The following UBR3 variants were observed in gnomAD, a reference collection of about 807,000 sequenced individuals.
UBR3 encodes the protein E3 ubiquitin-protein ligase UBR3.
A neutral mutation model predicts 243.2 loss-of-function variants in UBR3; 85 were observed. The ratio of observed to expected loss-of-function variants is 0.35; its 90% CI spans 0.29 to 0.42. UBR3 has a LOEUF of 0.42. Among genes scored for constraint, UBR3 ranks in the 10% least tolerant of loss-of-function variants. The pLI is 1.00. For missense variants in UBR3, 1,686 were observed against 2,300.8 expected (o/e 0.73, Z 5.47); for synonymous variants, 748 against 799.8 (o/e 0.94, Z 1.09).
At chr2:169,929,314 C>T (rs940258068) in intron 18 of UBR3, among the ~76,000 whole-genome samples, 7 of 152,132 alleles carry the variant, frequency 4.6e-5, no homozygotes, top group Admixed American at 6.5e-5. Context: ...GTGGCTTATG[C>T]CTGTAATCCC....
chr2:169,964,487 T>G (rs567323688), intron 24 of UBR3: 2 of 468,000 alleles, frequency 4.3e-6, no homozygotes, highest in East Asian at 1.4e-4. Flanking sequence ...AATGGTCACC[T>G]TATCCTCTGA....
chr2:170,040,309 G>A (rs974770653), intron 31 of UBR3, among the ~76,000 whole-genome samples: 3 of 151,294 alleles, frequency 2.0e-5, no homozygotes, highest in Admixed American at 1.3e-4. Context: ...TTTTCACCAT[G>A]TTGTCAATCT....
intron 1 of UBR3, among the ~76,000 whole-genome samples, chr2:169,864,271 C>T (rs1452309853): frequency 6.6e-6 from 1 of 152,056 alleles, no homozygotes; most frequent in Non-Finnish European, 1.5e-5. Flanking sequence ...GAAATAATTT[C>T]ATAGAATTTA....
chr2:169,971,282 T>C (rs1418665681), intron 24 of UBR3, among the ~76,000 whole-genome samples: 5 of 151,598 alleles, frequency 3.3e-5, no homozygotes, highest in Non-Finnish European at 5.9e-5. Context: ...GGTTGCCTGT[T>C]CACTCTGATG....
intron 8 of UBR3, among the ~76,000 whole-genome samples, chr2:169,900,002 G>A (rs1169376679): frequency 1.3e-5 from 2 of 152,260 alleles, no homozygotes; most frequent in Non-Finnish European, 1.5e-5. Context: ...AACCCTTTGG[G>A]TATATACCCA....
chr2:169,867,738 G>A (rs1435333357), intron 1 of UBR3, among the ~76,000 whole-genome samples: 1 of 152,128 alleles, frequency 6.6e-6, no homozygotes, highest in East Asian at 1.9e-4. Context: ...CCAAACACAT[G>A]CAAAGGTAAA....
chr2:170,007,539 C>G (rs1314832921), intron 28 of UBR3, among the ~76,000 whole-genome samples: 1 of 152,144 alleles, frequency 6.6e-6, no homozygotes, highest in African/African-American at 2.4e-5. Flanking sequence ...GGACAGATAA[C>G]TTAAGGTCAG....
chr2:169,938,116 C>T (rs910845004), intron 19 of UBR3, among the ~76,000 whole-genome samples: 2 of 152,276 alleles, frequency 1.3e-5, no homozygotes, highest in Non-Finnish European at 2.9e-5. Flanking sequence ...CTTATTTTAG[C>T]CCCTTGCCTT....
At chr2:170,023,960 C>A (rs1574412933) in intron 30 of UBR3, among the ~76,000 whole-genome samples, 1 of 152,240 alleles carries the variant, frequency 6.6e-6, no homozygotes, top group East Asian at 1.9e-4. Context: ...CCTTGGCCTC[C>A]CAAAGTGCTG....
At chr2:169,936,500 C>T (rs2086336398) in intron 19 of UBR3, among the ~76,000 whole-genome samples, 1 of 151,510 alleles carries the variant, frequency 6.6e-6, no homozygotes, top group South Asian at 2.1e-4. Flanking sequence ...TTTGTTTCCT[C>T]TAAGATGCGT....
Position 169,920,318 on chromosome 2 carries a change from G to A in UBR3, c.1867-3611G>A, listed in dbSNP as rs192302285. 5.6e-3 allele frequency among the ~76,000 whole-genome samples: 848 copies of A among 152,216 alleles called. 7 individuals carry two copies. Among genetic ancestry groups the A allele is most frequent in the African/African-American group, 0.019 (800 of 41,518 alleles). Reference sequence around the variant, plus strand: ...ACGTCACACACCAGGGCCTGTTGTGGGGTGGAGGGAGGGGAGAGGGACAGC... The same window carrying A: ...ACGTCACACACCAGGGCCTGTTGTGAGGTGGAGGGAGGGGAGAGGGACAGC... On this transcript the variant is annotated intron_variant, in intron 11 of 38. Coordinates refer to ENST00000272793, the MANE Select transcript of UBR3 (RefSeq NM_172070.4).
At chr2:169,923,405 C>G (rs2085781672) in intron 11 of UBR3, among the ~76,000 whole-genome samples, 1 of 152,136 alleles carries the variant, frequency 6.6e-6, no homozygotes, top group Admixed American at 6.5e-5. Context: ...TTGAATTTTG[C>G]TACTTGTAGA....
At chr2:170,023,463 G>A (rs1574412028) in intron 30 of UBR3, among the ~76,000 whole-genome samples, 1 of 151,676 alleles carries the variant, frequency 6.6e-6, no homozygotes, top group East Asian at 1.9e-4. Context: ...AGGCTGGAGT[G>A]CAGTGGTAAC....
intron 25 of UBR3, among the ~76,000 whole-genome samples, chr2:169,992,843 C>T (rs1050446715): frequency 6.6e-6 from 1 of 152,152 alleles, no homozygotes; most frequent in Non-Finnish European, 1.5e-5. Flanking sequence ...TCACTGCAAC[C>T]CCAGCCTCCC....
At chr2:170,059,580 A>G (rs1185734798) in intron 33 of UBR3, among the ~76,000 whole-genome samples, 4 of 152,194 alleles carry the variant, frequency 2.6e-5, no homozygotes, top group African/African-American at 4.8e-5. Context: ...ATATTTAGCG[A>G]GATATTGATT....
At chr2:169,931,415 G>C in intron 18 of UBR3, among the ~76,000 whole-genome samples, 1 of 148,394 alleles carries the variant, frequency 6.7e-6, no homozygotes, top group East Asian at 2.0e-4. Context: ...AGATCTTTGT[G>C]AAGGACTGTC....
intron 5 of UBR3, among the ~76,000 whole-genome samples, chr2:169,888,133 A>G (rs1448014549): frequency 7.3e-6 from 1 of 137,738 alleles, no homozygotes; most frequent in South Asian, 2.3e-4. Context: ...TTATTTATTT[A>G]TTTATTTATT....
At chr2:170,053,105 C>G (rs1055770971) in intron 32 of UBR3, among the ~76,000 whole-genome samples, 1 of 152,130 alleles carries the variant, frequency 6.6e-6, no homozygotes, top group Non-Finnish European at 1.5e-5. Context: ...CATAGAAGGC[C>G]TGACTGCTGT....
intron 15 of UBR3, 25 bp from the exon 16 acceptor site, chr2:169,926,813 A>G (rs1410532224): frequency 7.8e-6 from 12 of 1,545,284 alleles, no homozygotes; most frequent in Non-Finnish European, 1.0e-5. Flanking sequence ...TTATAAAAAT[A>G]TGTTTCAAAT....
Sources: allele counts gnomAD v4.1 joint callset (sites outside exome capture counted in the v4.1 genomes callset), GRCh38; gene constraint gnomAD v4.1.1; transcripts MANE v1.5; gene names NCBI Gene and HGNC (gene_info 2026-07-23, HGNC 2026-07-21).